The following PRRT2 variants were observed in gnomAD, a reference collection of about 807,000 sequenced individuals.
PRRT2 encodes the protein proline-rich transmembrane protein 2.
PRRT2 carries 9 observed loss-of-function variants against 24.7 expected under a neutral mutation model. The observed-to-expected ratio is 0.36, with a 90% CI of 0.22 to 0.64. The LOEUF is 0.64. PRRT2 is among the 30% of genes least tolerant of loss of function. PRRT2 has a pLI of 0.65. For missense variants in PRRT2, 460 were observed against 435.0 expected (o/e 1.06, Z -0.51); for synonymous variants, 195 against 175.5 (o/e 1.11, Z -0.88).
rs1172340466 is a variant in PRRT2, at chr16:29,813,438, TGCA to T, written c.387_389del (p.Ala130del). 1 of 1,614,058 alleles carries T rather than the reference TGCA, an allele frequency of 6.2e-7. No homozygotes were observed. Among genetic ancestry groups the T allele is most frequent in the Non-Finnish European group, 8.5e-7 (1 of 1,179,972 alleles). ...CAGACCAGGGGTCCAGGCTGGAGTC[TGCA>T]GCCCCACCTGAACCAGCCCCAGAGC... On this transcript the variant is annotated inframe_deletion, in exon 2 of 4. Transcript: ENST00000358758.
intron 2 of PRRT2, 41 bp downstream of exon 2, chr16:29,813,974 C>T (rs765329643): frequency 1.1e-5 from 17 of 1,534,012 alleles, no homozygotes; most frequent in Admixed American, 4.2e-5. Flanking sequence ...GCTGTGGCTC[C>T]CAGCTTCCCG....
Position 29,813,182 on chromosome 16 carries a change from A to G in PRRT2, c.128A>G (p.Asp43Gly). 2 of 1,613,894 alleles carry G rather than the reference A, an allele frequency of 1.2e-6. No individual in the cohort carries two copies. The highest frequency in any genetic ancestry group is 1.1e-5 in the South Asian group (1 of 91,086). Residue 43 changes from aspartate (D) to glycine (G), a missense_variant, in exon 2 of 4, where the codon GAC becomes GGC. Physicochemically the swap from Asp to Gly is moderately conservative, Grantham distance 94 (BLOSUM62 -1). This residue lies in a region of PRRT2 where 378 missense variants were observed against 324.6 expected (regional missense o/e 1.16). Transcript: ENST00000358758. Reference sequence around the variant, plus strand: ...CCCCAGGTCCTAGCAGGGGTACCAGACCAGCCAGAGGCCCCGCAGCCAGGT... The same window carrying G: ...CCCCAGGTCCTAGCAGGGGTACCAGGCCAGCCAGAGGCCCCGCAGCCAGGT... ...GPPQVLAGVP[D>G]QPEAPQPGPN...
Position 29,814,628 on chromosome 16 carries a change from T to G in PRRT2, c.1013T>G (p.Val338Gly). The change falls in exon 4 of 4, where the codon GTG becomes GGG. Residue 338 changes from valine to glycine, a missense_variant and splice_region_variant. Physicochemically the swap from Val to Gly is moderately radical, Grantham distance 109. Coordinates refer to ENST00000358758, the MANE Select transcript of PRRT2 (RefSeq NM_145239.3). This position sits in a 1 kb window ranked among gnomAD's most constrained non-coding sequence, Gnocchi z 4.1. The part of the protein sequence containing the change: ...IIASCVINLG[V>G]YK ...TGTCCTTCCCTCTCCTCTCCCACAG[T>G]GTATAAGTGAGGGGCTCTGCCCCGC... is the stretch of plus-strand genomic sequence containing the variant. The G allele has an allele frequency of 6.3e-7, 1 of 1,594,826 alleles. No homozygotes were observed. Among genetic ancestry groups the G allele is most frequent in the Non-Finnish European group, 8.6e-7 (1 of 1,168,830 alleles).
rs1446585759 is a variant in PRRT2, at chr16:29,813,920, C to T, written c.866C>T (p.Ala289Val). The T allele has an allele frequency of 1.3e-6, 2 of 1,596,286 alleles. No homozygotes were observed. The highest frequency in any genetic ancestry group is 1.3e-5 in the African/African-American group (1 of 74,340). ...TGGCCTGTCAACATCGTGGCCTTCGCTTATGCTGTCATGGTGAGCCCCATG... is the reference window on the plus strand; with the variant it reads ...TGGCCTGTCAACATCGTGGCCTTCGTTTATGCTGTCATGGTGAGCCCCATG... ...PMWPVNIVAF[A>V]YAVMSRNSLQ... Residue 289 changes from alanine (A) to valine (V), a missense_variant, in exon 2 of 4, where the codon GCT (alanine) becomes GTT (valine). Ala to Val is a moderately conservative substitution (Grantham distance 64). Coordinates refer to ENST00000358758, the MANE Select transcript of PRRT2 (RefSeq NM_145239.3).
chr16:29,813,865 C>T lies in PRRT2; in HGVS notation c.811C>T (p.Leu271Phe), dbSNP rs1596892978. Residue 271 changes from leucine (L) to phenylalanine (F), a missense_variant, in exon 2 of 4, where the codon CTT becomes TTT. By Grantham distance (22) the Leu-to-Phe change is conservative. This residue lies in a region of PRRT2 where 18 missense variants were observed against 39.2 expected (regional missense o/e 0.46). Coordinates refer to ENST00000358758, the MANE Select transcript of PRRT2 (RefSeq NM_145239.3). ...GTQKPRDYII[L>F]AILSCFCPMW... The stretch of plus-strand genomic sequence containing the variant: ...CCAGAAACCTCGGGACTACATCATC[C>T]TTGCCATCCTGTCCTGCTTCTGCCC... 1.2e-6 allele frequency: 2 copies of T among 1,613,618 alleles called. No homozygotes were observed. Among genetic ancestry groups the T allele is most frequent in the Non-Finnish European group, 1.7e-6 (2 of 1,179,774 alleles).
rs1263878099 is a variant in PRRT2 at position 29,813,169 on chromosome 16, G to A, written c.115G>A (p.Ala39Thr). 5.0e-6 allele frequency: 8 copies of A among 1,614,004 alleles called. 1 individual carries two copies. The Admixed American group carries it at 8.3e-5, about 17-fold the overall frequency. Reference sequence around the variant, plus strand: ...TGAAACTGGCCCTCCCCAGGTCCTAGCAGGGGTACCAGACCAGCCAGAGGC... The same window carrying A: ...TGAAACTGGCCCTCCCCAGGTCCTAACAGGGGTACCAGACCAGCCAGAGGC... ...EAETGPPQVL[A>T]GVPDQPEAPQ... is the part of the protein sequence containing the mutation. Residue 39 changes from alanine to threonine, a missense_variant, in exon 2 of 4, where the codon GCA becomes ACA. Ala to Thr is a moderately conservative substitution (Grantham distance 58). Transcript: ENST00000358758.
At position 29,813,190 on chromosome 16, in the gene PRRT2, G is replaced by C. The variant is rs1456787900; in HGVS notation, c.136G>C (p.Glu46Gln). ...CCTAGCAGGGGTACCAGACCAGCCAGAGGCCCCGCAGCCAGGTCCAAACAC... is the reference window on the plus strand; with the variant it reads ...CCTAGCAGGGGTACCAGACCAGCCACAGGCCCCGCAGCCAGGTCCAAACAC... Reference protein sequence around the residue: ...QVLAGVPDQPEAPQPGPNTTA... With the variant: ...QVLAGVPDQPQAPQPGPNTTA... Residue 46 changes from glutamate to glutamine, a missense_variant, in exon 2 of 4, where the codon GAG becomes CAG. Physicochemically the swap from Glu to Gln is conservative, Grantham distance 29. Transcript: ENST00000358758. The C allele has an allele frequency of 1.2e-6, 2 of 1,613,952 alleles. No individual in the cohort carries two copies. The highest frequency in any genetic ancestry group is 4.5e-5 in the East Asian group (2 of 44,872).
rs868688962 is a variant in PRRT2, at chr16:29,815,714, T to G, written c.*1076T>G. 97 of 85,152 alleles carry G rather than the reference T, an allele frequency of 1.1e-3. No homozygotes were observed. In the Middle Eastern group the frequency reaches 0.036, roughly 31 times the overall value. 5.3% of individuals were successfully genotyped at this position (85,152 alleles called of 1,614,324 possible). On this transcript the variant is annotated 3_prime_UTR_variant, in exon 4 of 4. Transcript: ENST00000358758. ...CAACGCGGTTCGGATTTGGCGGGGG[T>G]TTTTTTCCTTAAAAAAAAAAAAAAA...
At position 29,813,255 on chromosome 16, in the gene PRRT2, G is replaced by A. The variant is rs1416186042; in HGVS notation, c.201G>A (p.Leu67=). ...APVDSGPKAG[L]APETTETPAG... The stretch of plus-strand genomic sequence containing the variant: ...TGGACTCAGGGCCCAAGGCTGGGCT[G>A]GCTCCAGAAACCACAGAGACCCCGG... The change falls in exon 2 of 4, where the codon CTG becomes CTA. Residue 67 remains leucine, a synonymous_variant. Transcript: ENST00000358758. 2.5e-6 allele frequency: 4 copies of A among 1,613,786 alleles called. No individual in the cohort carries two copies. The highest frequency in any genetic ancestry group is 1.3e-5 in the African/African-American group (1 of 74,922).
In PRRT2 at chr16:29,814,736, C is replaced by T; in HGVS notation, c.*98C>T. On this transcript the variant is annotated 3_prime_UTR_variant, in exon 4 of 4. Coordinates refer to ENST00000358758, the MANE Select transcript of PRRT2 (RefSeq NM_145239.3). This position sits in a 1 kb window ranked among gnomAD's most constrained non-coding sequence, Gnocchi z 4.1. ...GAGCCCAACTGATGGCCCTGGCCCC[C>T]ACCCCTAAGGACCAAGGGAGCCTGA... 7.3e-7 allele frequency: 1 copy of T among 1,365,060 alleles called. No individual in the cohort carries two copies. The highest frequency in any genetic ancestry group is 1.0e-6 in the Non-Finnish European group (1 of 1,000,850). 84.6% of individuals were successfully genotyped at this position (1,365,060 alleles called of 1,614,324 possible). A position where few individuals can be genotyped will look rare whatever the true frequency, so the allele number is the denominator to read the frequency against.
rs796052936 is a variant in PRRT2, at chr16:29,813,926, C to A, written c.872C>A (p.Ala291Asp). The change falls in exon 2 of 4, where the codon GCT (alanine) becomes GAT (aspartate). Residue 291 changes from alanine (A) to aspartate (D), a missense_variant. By Grantham distance (126) the Ala-to-Asp change is moderately radical. Around this residue, in one of 3 missense-constraint regions of PRRT2, gnomAD observed 64 missense variants for 71.2 expected, o/e 0.90. Transcript: ENST00000358758. ...WPVNIVAFAY[A>D]VMSRNSLQQG... ...GTCAACATCGTGGCCTTCGCTTATG[C>A]TGTCATGGTGAGCCCCATGGGACCC... 1 of 1,593,188 alleles carries A rather than the reference C, an allele frequency of 6.3e-7. No individual in the cohort carries two copies. The highest frequency in any genetic ancestry group is 8.6e-7 in the Non-Finnish European group (1 of 1,169,246).
chr16:29,812,959 C>T (rs1900051247), intron 1 of PRRT2, 31 bp from the exon 2 acceptor site: 2 of 1,383,166 alleles, frequency 1.4e-6, no homozygotes, highest in African/African-American at 1.5e-5. Flanking sequence ...CTCTTCCCTC[C>T]TCACCCCAAG....
rs1900111672 is a variant in PRRT2, at chr16:29,813,824, AG to A, written c.776del (p.Gly259ValfsTer54). 2 of 1,613,088 alleles carry A rather than the reference AG, an allele frequency of 1.2e-6. No homozygotes were observed. Among genetic ancestry groups the A allele is most frequent in the Admixed American group, 1.7e-5 (1 of 59,948 alleles). On this transcript the variant is annotated frameshift_variant, in exon 2 of 4. Transcript: ENST00000358758. LOFTEE classifies it high-confidence loss of function. Reference protein sequence around the residue: ...PSSQLAGPGVEGGEGTQKPRD... With the variant: ...PSSQLAGPGVXGGEGTQKPRD... ...TCCCAGTTGGCAGGTCCTGGGGTGGAGGGGGGTGAAGGCACCCAGAAACCTC... is the reference window on the plus strand; with the variant it reads ...TCCCAGTTGGCAGGTCCTGGGGTGGAGGGGGTGAAGGCACCCAGAAACCTC...
At position 29,813,807 on chromosome 16, in the gene PRRT2, G is replaced by T; in HGVS notation, c.753G>T (p.Leu251Phe). 1 of 1,612,740 alleles carries T rather than the reference G, an allele frequency of 6.2e-7. No individual in the cohort carries two copies. Among genetic ancestry groups the T allele is most frequent in the East Asian group, 2.2e-5 (1 of 44,862 alleles). ...GSLSRHPSSQLAGPGVEGGEG... is the reference protein window; with the variant it reads ...GSLSRHPSSQFAGPGVEGGEG... ...TGAGCCGCCACCCCAGCTCCCAGTT[G>T]GCAGGTCCTGGGGTGGAGGGGGGTG... Residue 251 changes from leucine to phenylalanine, a missense_variant, in exon 2 of 4, where the codon TTG becomes TTT. This residue lies in a region of PRRT2 where 378 missense variants were observed against 324.6 expected (regional missense o/e 1.16). Coordinates refer to ENST00000358758, the MANE Select transcript of PRRT2 (RefSeq NM_145239.3).
Position 29,813,003 on chromosome 16 carries a change from C to A in PRRT2, c.-52C>A. 1 of 1,531,352 alleles carries A rather than the reference C, an allele frequency of 6.5e-7. No homozygotes were observed. Among genetic ancestry groups the A allele is most frequent in the South Asian group, 1.3e-5 (1 of 77,386 alleles). The allele number at this position is 1,531,352 out of a possible 1,614,324, so 94.9% of individuals were successfully genotyped here. On this transcript the variant is annotated 5_prime_UTR_variant, in exon 2 of 4. Coordinates refer to ENST00000358758, the MANE Select transcript of PRRT2 (RefSeq NM_145239.3). The stretch of plus-strand genomic sequence containing the variant: ...CTCCTCTTCCAGGGTTTGCCGCTGT[C>A]TCTGCTATTCCATCCTCCCCATAGG...
chr16:29,813,993 G>C (rs763140362), intron 2 of PRRT2, 60 bp downstream of exon 2: 2 of 1,528,982 alleles, frequency 1.3e-6, no homozygotes, highest in Admixed American at 2.1e-5. Flanking sequence ...CGCCAGCGCT[G>C]CAATAGAGCC....
rs1315799003 is a variant in PRRT2 at position 29,813,147 on chromosome 16, A to G, written c.93A>G (p.Glu31=). 1.2e-6 allele frequency: 2 copies of G among 1,613,986 alleles called. No homozygotes were observed. Among genetic ancestry groups the G allele is most frequent in the South Asian group, 1.1e-5 (1 of 91,088 alleles). The change falls in exon 2 of 4, where the codon GAA becomes GAG. Residue 31 remains glutamate (E), a synonymous_variant. Coordinates refer to ENST00000358758, the MANE Select transcript of PRRT2 (RefSeq NM_145239.3). ...PGEGPGHSEA[E]TGPPQVLAGV... is the part of the protein sequence containing the mutation. ...AAGGGCCTGGCCATTCTGAAGCTGA[A>G]ACTGGCCCTCCCCAGGTCCTAGCAG...
Position 29,813,839 on chromosome 16 carries a change from C to A in PRRT2, c.785C>A (p.Thr262Asn). ...AGPGVEGGEG[T>N]QKPRDYIILA... ...CCTGGGGTGGAGGGGGGTGAAGGCA[C>A]CCAGAAACCTCGGGACTACATCATC... Residue 262 changes from threonine (T) to asparagine (N), a missense_variant, in exon 2 of 4, where the codon ACC (threonine) becomes AAC (asparagine). Physicochemically the swap from Thr to Asn is moderately conservative, Grantham distance 65. Around this residue, in one of 3 missense-constraint regions of PRRT2, gnomAD observed 378 missense variants for 324.6 expected, o/e 1.16. Transcript: ENST00000358758. 1.9e-6 allele frequency: 3 copies of A among 1,613,734 alleles called. No homozygotes were observed. Among genetic ancestry groups the A allele is most frequent in the South Asian group, 1.1e-5 (1 of 91,054 alleles).
chr16:29,813,068 GCTCTGAGAT>G lies in PRRT2; in HGVS notation c.24_32del (p.Ile8_Glu10del). On this transcript the variant is annotated inframe_deletion, in exon 2 of 4. Transcript: ENST00000358758. ...TCCCATCTCAAGATGGCAGCCAGCA[GCTCTGAGAT>G]CTCTGAGATGAAGGGGGTTGAGGAG... The G allele has an allele frequency of 6.2e-7, 1 of 1,605,944 alleles. No individual in the cohort carries two copies. The highest frequency in any genetic ancestry group is 1.1e-5 in the South Asian group (1 of 90,200).
Sources: allele counts gnomAD v4.1 joint callset, GRCh38; gene constraint gnomAD v4.1.1; regional missense constraint gnomAD v4.1.1; non-coding constraint Gnocchi (gnomAD v3.1); transcripts MANE v1.5; gene names NCBI Gene and HGNC (gene_info 2026-07-23, HGNC 2026-07-21).